TLN2: variants seen among roughly 807,000 people sequenced by gnomAD.
The protein encoded by TLN2 is talin 2, also known as talin-2.
In TLN2, 118 loss-of-function variants were observed where a neutral mutation model predicts 294.7. The ratio of observed to expected loss-of-function variants is 0.40; its 90% CI spans 0.34 to 0.47. The LOEUF (loss-of-function observed/expected upper bound fraction) is 0.47. TLN2 is among the 20% of genes least tolerant of loss of function. The pLI, the probability that TLN2 is intolerant of heterozygous loss-of-function variation, is 0.84. For synonymous variants in TLN2, 1,431 were observed against 1,304.5 expected, an observed-to-expected ratio of 1.10 and a Z score of -2.09; for missense variants, 3,083 against 3,282.2, an observed-to-expected ratio of 0.94 and a Z score of 1.48.
chr15:62,603,601 T>C (rs2047178491), intron 2 of TLN2, among the ~76,000 whole-genome samples: 1 of 152,220 alleles, frequency 6.6e-6, no homozygotes, highest in South Asian at 2.1e-4. Flanking sequence ...TTGATACTCT[T>C]AAAATCATTA....
intron 52 of TLN2, among the ~76,000 whole-genome samples, chr15:62,817,046 A>C (rs991887496): frequency 6.6e-6 from 1 of 152,122 alleles, no homozygotes; most frequent in African/African-American, 2.4e-5. Flanking sequence ...ATATAACCTC[A>C]CCACAGCTCT....
At position 62,783,813 on chromosome 15, in the gene TLN2, G is replaced by A. The variant is rs766078380; in HGVS notation, c.5659G>A (p.Ala1887Thr). The change falls in exon 45 of 59, where the codon GCT becomes ACT. Residue 1887 changes from alanine (A) to threonine (T), a missense_variant. Physicochemically the swap from Ala to Thr is moderately conservative, Grantham distance 58 (BLOSUM62 0). Transcript: ENST00000636159. Reference protein sequence around the residue: ...VTNPEELGGLASQMTSDYGHL... With the variant: ...VTNPEELGGLTSQMTSDYGHL... Reference sequence around the variant, plus strand: ...TAACCCGGAGGAGTTGGGAGGACTGGCTTCACAAATGACCAGTGACTATGG... The same window carrying A: ...TAACCCGGAGGAGTTGGGAGGACTGACTTCACAAATGACCAGTGACTATGG... 5 of 1,612,646 alleles carry A rather than the reference G, an allele frequency of 3.1e-6. No individual in the cohort carries two copies. Among genetic ancestry groups the A allele is most frequent in the South Asian group, 1.1e-5 (1 of 91,060 alleles).
At chr15:62,407,319 A>G (rs533448178) in intron 1 of TLN2, among the ~76,000 whole-genome samples, 1 of 152,306 alleles carries the variant, frequency 6.6e-6, no homozygotes, top group East Asian at 1.9e-4. Flanking sequence ...AGATCTCCTC[A>G]GTATCATAGG....
At position 62,842,283 on chromosome 15, in the gene TLN2, CAG is replaced by C. The variant is rs1178558240; in HGVS notation, c.*1674_*1675del. ...AGTGAGAGTATGTGTAGGACACTGA[CAG>C]TGTGTGGGCACCAGTTCTGAAGAGG... On this transcript the variant is annotated 3_prime_UTR_variant, in exon 59 of 59. Coordinates refer to ENST00000636159, the MANE Select transcript of TLN2 (RefSeq NM_015059.3). 2.0e-5 allele frequency: 3 copies of C among 152,100 alleles called. No homozygotes were observed. Among genetic ancestry groups the C allele is most frequent in the African/African-American group, 7.2e-5 (3 of 41,398 alleles). 9.4% of individuals were successfully genotyped at this position (152,100 alleles called of 1,614,324 possible). A position where few individuals can be genotyped will look rare whatever the true frequency, so the allele number is the denominator to read the frequency against.
At position 62,468,107 on chromosome 15, in the gene TLN2, ATAAATTTAATTTATTAAATAAATTTT is replaced by A. The variant is rs1373020178; in HGVS notation, c.-238+77448_-238+77473del. Among the ~76,000 whole-genome samples the A allele has an allele frequency of 4.5e-3, 679 of 152,108 alleles. 5 individuals carry two copies. Among genetic ancestry groups the A allele is most frequent in the African/African-American group, 0.015 (619 of 41,478 alleles). On this transcript the variant is annotated intron_variant, in intron 1 of 58. Transcript: ENST00000636159. ...TTGGAAAGCTGTTGCGAAGGCTTAA[ATAAATTTAATTTATTAAATAAATTTT>A]TAAATTTAATTTATTAAATAAATTT...
At chr15:62,397,367 C>T (rs1466358934) in intron 1 of TLN2, among the ~76,000 whole-genome samples, 1 of 152,200 alleles carries the variant, frequency 6.6e-6, no homozygotes, top group South Asian at 2.1e-4. Flanking sequence ...AAGTGATCCT[C>T]CTGCCTCGGC....
At chr15:62,825,808 T>TA (rs1555521948) in intron 54 of TLN2, among the ~76,000 whole-genome samples, 850 of 5,606 alleles carry the variant, frequency 0.15, 33 homozygotes, top group Middle Eastern at 0.25. Flanking sequence ...ATATTATATA[T>TA]TATATTATAA....
chr15:62,422,067 C>G lies in TLN2; in HGVS notation c.-238+31382C>G, dbSNP rs139603789. Among the ~76,000 whole-genome samples, 1,217 of 151,824 alleles carry G rather than the reference C, an allele frequency of 8.0e-3. 20 individuals carry two copies. Among genetic ancestry groups the G allele is most frequent in the African/African-American group, 0.028 (1,153 of 41,354 alleles). ...CCTGAGGTCTGGAGTTCGAGACCAG[C>G]CTGACTAACATGGTGAAACCCCGTC... On this transcript the variant is annotated intron_variant, in intron 1 of 58. Transcript: ENST00000636159.
intron 1 of TLN2, among the ~76,000 whole-genome samples, chr15:62,394,853 T>C (rs2032402965): frequency 6.6e-6 from 1 of 152,092 alleles, no homozygotes; most frequent in Non-Finnish European, 1.5e-5. Flanking sequence ...TGTGAGAGTC[T>C]TTATATGTCA....
intron 1 of TLN2, among the ~76,000 whole-genome samples, chr15:62,520,078 C>T (rs573109715): frequency 2.6e-5 from 4 of 152,310 alleles, no homozygotes; most frequent in East Asian, 1.9e-4. Flanking sequence ...GAGACTTATT[C>T]ACTACCATGA....
chr15:62,567,703 C>T (rs1195432304), intron 1 of TLN2, among the ~76,000 whole-genome samples: 5 of 152,196 alleles, frequency 3.3e-5, no homozygotes, highest in South Asian at 2.1e-4. Flanking sequence ...GGCGTGATGG[C>T]GCGCGCCTGT....
chr15:62,564,925 A>AATATATAT lies in TLN2; in HGVS notation c.-237-24752_-237-24745dup, dbSNP rs1555430771. Among the ~76,000 whole-genome samples, 96 of 80,604 alleles carry AATATATAT rather than the reference A, an allele frequency of 1.2e-3. 1 individual carries two copies. Among genetic ancestry groups the AATATATAT allele is most frequent in the Middle Eastern group, 6.6e-3 (1 of 152 alleles). The allele number at this position is 80,604 out of a possible 152,430, so 52.9% of individuals were successfully genotyped here. A position where few individuals can be genotyped will look rare whatever the true frequency, so the allele number is the denominator to read the frequency against. On this transcript the variant is annotated intron_variant, in intron 1 of 58. Coordinates refer to ENST00000636159, the MANE Select transcript of TLN2 (RefSeq NM_015059.3). ...CATCTCAAAAAAAAAAAAAAAAAAAAATATATATATATATATACTGCATTC... is the reference window on the plus strand; with the variant it reads ...CATCTCAAAAAAAAAAAAAAAAAAAAATATATATATATATATATATATATACTGCATTC...
At chr15:62,803,991 CG>C (rs2066105674) in intron 50 of TLN2, among the ~76,000 whole-genome samples, 1 of 152,110 alleles carries the variant, frequency 6.6e-6, no homozygotes, top group South Asian at 2.1e-4. Context: ...GTATCTGCAT[CG>C]GGGGGCACAC....
chr15:62,763,532 G>C (rs1467547521), intron 39 of TLN2, 31 bp from the exon 40 acceptor site: 1 of 1,581,818 alleles, frequency 6.3e-7, no homozygotes, highest in Non-Finnish European at 8.6e-7. Context: ...GCCCCATGGA[G>C]CCTGTGTCCA....
intron 9 of TLN2, among the ~76,000 whole-genome samples, chr15:62,663,031 GC>G (rs2054076461): frequency 6.6e-6 from 1 of 151,962 alleles, no homozygotes; most frequent in Non-Finnish European, 1.5e-5. Flanking sequence ...CACTGTGTTA[GC>G]CAGGATGGTC....
chr15:62,499,805 G>T (rs1467272306), intron 1 of TLN2, among the ~76,000 whole-genome samples: 1 of 151,998 alleles, frequency 6.6e-6, no homozygotes, highest in African/African-American at 2.4e-5. Flanking sequence ...GTTTCTCCAT[G>T]TAGGTCAGGC....
rs1241419908 is a variant in TLN2, at chr15:62,739,545, G to C, written c.3885G>C (p.Gln1295His). The change falls in exon 31 of 59, where the codon CAG becomes CAC. Residue 1295 changes from glutamine (Q) to histidine (H), a missense_variant and splice_region_variant. Coordinates refer to ENST00000636159, the MANE Select transcript of TLN2 (RefSeq NM_015059.3). ...DAGIEMAGQA[Q>H]TKEDQIQVIG... ...GCATTGAGATGGCTGGCCAAGCTCA[G>C]GTGGGTGTGGAGGTGGTTGTCTGGA... 2 of 1,614,142 alleles carry C rather than the reference G, an allele frequency of 1.2e-6. No homozygotes were observed. Among genetic ancestry groups the C allele is most frequent in the Non-Finnish European group, 8.5e-7 (1 of 1,180,002 alleles).
chr15:62,773,797 A>G (rs989632329), intron 42 of TLN2, among the ~76,000 whole-genome samples: 4 of 152,348 alleles, frequency 2.6e-5, no homozygotes, highest in East Asian at 1.9e-4. Context: ...CACCTAAACA[A>G]TGAAGGTAAT....
At chr15:62,643,983 A>G (rs2051493629) in intron 3 of TLN2, among the ~76,000 whole-genome samples, 1 of 152,092 alleles carries the variant, frequency 6.6e-6, no homozygotes, top group African/African-American at 2.4e-5. Context: ...TACAGCAACC[A>G]TGTGATGTGC....
Sources: gnomAD v4.1 joint callset for allele counts (sites outside exome capture counted in the v4.1 genomes callset) on GRCh38, gnomAD v4.1.1 for gene constraint, MANE v1.5 for transcripts, NCBI Gene and HGNC (gene_info 2026-07-23, HGNC 2026-07-21) for gene names.